Variants in ANKRD11 observed in about 807,000 individuals in gnomAD.
ANKRD11 encodes ankyrin repeat domain 11.
In ANKRD11, 17 loss-of-function variants were observed where a neutral mutation model predicts 195.7. The observed-to-expected ratio is 0.09, with a 90% CI of 0.06 to 0.13. ANKRD11 has a LOEUF of 0.13. Ranked by LOEUF, ANKRD11 falls within the 10% of genes least tolerant of loss-of-function variation. The probability of loss-of-function intolerance (pLI) is 1.00; values close to 1 mark genes in which losing one functional copy is unlikely to be tolerated. For missense variants in ANKRD11, 3,735 were observed against 3,566.1 expected (o/e 1.05, Z -1.21); for synonymous variants, 1,953 against 1,528.1 (o/e 1.28, Z -6.49).
chr16:89,318,285 T>A (rs1272424406), intron 2 of ANKRD11, among the ~76,000 whole-genome samples: 2 of 152,170 alleles, frequency 1.3e-5, no homozygotes, highest in African/African-American at 4.8e-5. Context: ...TTGTTCACCA[T>A]CACAGCCAGG....
At chr16:89,303,306 C>T (rs2035964493) in intron 4 of ANKRD11, among the ~76,000 whole-genome samples, 2 of 152,230 alleles carry the variant, frequency 1.3e-5, no homozygotes, top group South Asian at 4.1e-4. Context: ...CCAAAACCAG[C>T]ATGGGGACCA....
chr16:89,290,189 C>G (rs34591297), intron 6 of ANKRD11, among the ~76,000 whole-genome samples: 85 of 152,298 alleles, frequency 5.6e-4, no homozygotes, highest in Non-Finnish European at 1.0e-3. Flanking sequence ...GAGGCCACAG[C>G]CCATCCAACC....
rs762590968 is a variant in ANKRD11 at position 89,279,998 on chromosome 16, C to A, written c.6544G>T (p.Val2182Leu). The A allele has an allele frequency of 1.2e-6, 2 of 1,612,118 alleles. No individual in the cohort carries two copies. Among genetic ancestry groups the A allele is most frequent in the South Asian group, 2.2e-5 (2 of 91,074 alleles). Residue 2182 changes from valine to leucine, a missense_variant, in exon 9 of 13, where the codon GTA becomes TTA. Physicochemically the swap from Val to Leu is conservative, Grantham distance 32. Transcript: ENST00000301030. This position sits in a 1 kb window ranked among gnomAD's most constrained non-coding sequence, Gnocchi z 5.6. ...AGTGCCGGCGGCTCCTCAGCCACTA[C>A]GGTGGAAACATCCCCACCGTTTATG... ...GVINGGDVST[V>L]VAEEPPALPP...
chr16:89,324,627 A>G (rs754297909), intron 2 of ANKRD11: 24 of 412,010 alleles, frequency 5.8e-5, no homozygotes, highest in South Asian at 4.0e-4. Flanking sequence ...GAAGCACTGG[A>G]CTGGCTGAGT....
In ANKRD11 at chr16:89,285,897, G is replaced by T. The variant is rs1597467665; in HGVS notation, c.892+142C>A. On this transcript the variant is annotated intron_variant, in intron 8 of 12. Coordinates refer to ENST00000301030, the MANE Select transcript of ANKRD11 (RefSeq NM_013275.6). The surrounding 1 kb of genome is among the most constrained non-coding windows in gnomAD (Gnocchi z 5.6). ...CTCGGCAGTGACACACCTGGGCGGG[G>T]TCTCCCGCAGTCCAGAAGCTCCTGT... 3.8e-6 allele frequency: 5 copies of T among 1,330,540 alleles called. No individual in the cohort carries two copies. The highest frequency in any genetic ancestry group is 4.8e-5 in the East Asian group (2 of 41,696). 82.4% of individuals were successfully genotyped at this position (1,330,540 alleles called of 1,614,324 possible).
chr16:89,293,921 G>A (rs1025946213), intron 4 of ANKRD11, among the ~76,000 whole-genome samples: 1 of 152,156 alleles, frequency 6.6e-6, no homozygotes, highest in African/African-American at 2.4e-5. Flanking sequence ...GGCAGGCCAG[G>A]AGCCCACGCT....
In ANKRD11 at chr16:89,281,317, G is replaced by C; in HGVS notation, c.5225C>G (p.Ser1742Trp). ...YADLVFDCAD[S>W]QHSTPVPTAP... ...GGTGGGCACGGGCGTGGAGTGCTGC[G>C]AGTCGGCGCAGTCGAACACGAGGTC... Residue 1742 changes from serine to tryptophan, a missense_variant, in exon 9 of 13, where the codon TCG becomes TGG. Ser to Trp is a radical substitution (Grantham distance 177). Transcript: ENST00000301030. The surrounding 1 kb of genome is among the most constrained non-coding windows in gnomAD (Gnocchi z 5.5). The C allele has an allele frequency of 6.2e-7, 1 of 1,613,960 alleles. No individual in the cohort carries two copies. The highest frequency in any genetic ancestry group is 8.5e-7 in the Non-Finnish European group (1 of 1,179,892).
chr16:89,287,153 G>C (rs2034704660), intron 7 of ANKRD11: 1 of 1,270,126 alleles, frequency 7.9e-7, no homozygotes, highest in South Asian at 1.2e-5. Flanking sequence ...CTGGGACGGA[G>C]GTCCCCAGTC....
chr16:89,324,226 TG>T (rs2037550929), intron 2 of ANKRD11: 31 of 1,197,092 alleles, frequency 2.6e-5, no homozygotes, highest in Middle Eastern at 2.4e-4. Flanking sequence ...GCCTCTGCTT[TG>T]CCCCTCAGAC....
chr16:89,403,461 G>A (rs1234439908), intron 2 of ANKRD11, among the ~76,000 whole-genome samples: 5 of 152,036 alleles, frequency 3.3e-5, no homozygotes, highest in Admixed American at 2.6e-4. Context: ...AGTAAGCGAG[G>A]CCCCGCGCTC....
chr16:89,353,711 C>G (rs1475014130), intron 2 of ANKRD11, among the ~76,000 whole-genome samples: 1 of 152,184 alleles, frequency 6.6e-6, no homozygotes, highest in African/African-American at 2.4e-5. Flanking sequence ...AACTCCTGAC[C>G]TCAGCTGATC....
At chr16:89,389,472 G>A (rs1257797077) in intron 2 of ANKRD11, among the ~76,000 whole-genome samples, 1 of 152,174 alleles carries the variant, frequency 6.6e-6, no homozygotes, top group Non-Finnish European at 1.5e-5. Flanking sequence ...GGCAAAATTA[G>A]TAGATGGAGA....
chr16:89,272,718 T>G (rs1308534893), intron 11 of ANKRD11: 2 of 152,072 alleles, frequency 1.3e-5, no homozygotes, highest in Non-Finnish European at 2.9e-5. Flanking sequence ...CACACTCCCA[T>G]ATTTAACGCA....
chr16:89,489,846 G>A (rs564281678), intron 1 of ANKRD11, among the ~76,000 whole-genome samples: 4 of 47,562 alleles, frequency 8.4e-5, no homozygotes, highest in Admixed American at 2.6e-4. Flanking sequence ...CCCCAGGCCC[G>A]CCCCGGAGCC....
In ANKRD11 at chr16:89,284,064, A is replaced by T. The variant is rs918732832; in HGVS notation, c.2478T>A (p.Asn826Lys). The T allele has an allele frequency of 6.2e-7, 1 of 1,614,152 alleles. No individual in the cohort carries two copies. Among genetic ancestry groups the T allele is most frequent in the Non-Finnish European group, 8.5e-7 (1 of 1,180,020 alleles). ...CAGAAAGGCTAAATTTGGTGTCTTC[A>T]TTCTCCAGAAACTGATTTTTGTTAC... ...EYCNKNQFLENEDTKFSLSDD... is the reference protein window; with the variant it reads ...EYCNKNQFLEKEDTKFSLSDD... The change falls in exon 9 of 13, where the codon AAT becomes AAA. Residue 826 changes from asparagine to lysine, a missense_variant. Asn to Lys is a moderately conservative substitution (Grantham distance 94). Coordinates refer to ENST00000301030, the MANE Select transcript of ANKRD11 (RefSeq NM_013275.6).
intron 1 of ANKRD11, among the ~76,000 whole-genome samples, chr16:89,471,778 G>C (rs1393926641): frequency 1.3e-5 from 1 of 74,628 alleles, no homozygotes; most frequent in East Asian, 4.4e-4. Context: ...GTGAGACTCT[G>C]TCTCAAAAAA....
At chr16:89,479,423 G>A (rs557161206) in intron 1 of ANKRD11, among the ~76,000 whole-genome samples, 48 of 149,496 alleles carry the variant, frequency 3.2e-4, no homozygotes, top group South Asian at 8.5e-4. Context: ...ATCTGAGGTC[G>A]GGAGTTTGAG....
Position 89,354,243 on chromosome 16 carries a change from C to CAAA in ANKRD11, c.-59-37168_-59-37166dup, listed in dbSNP as rs5818711. On this transcript the variant is annotated intron_variant, in intron 2 of 12. Transcript: ENST00000301030. Reference sequence around the variant, plus strand: ...TATATAACTAAATTTTGCATTCAGCCAAAAAAAAAAAAAAAAAGAAAACTT... The same window carrying CAAA: ...TATATAACTAAATTTTGCATTCAGCCAAAAAAAAAAAAAAAAAAAAGAAAACTT... 1.5e-3 allele frequency among the ~76,000 whole-genome samples: 187 copies of CAAA among 126,226 alleles called. 1 individual carries two copies. Among genetic ancestry groups the CAAA allele is most frequent in the Middle Eastern group, 0.012 (3 of 256 alleles). The allele number at this position is 126,226 out of a possible 152,430, so 82.8% of individuals were successfully genotyped here.
Position 89,272,230 on chromosome 16 carries a change from A to AAGAC in ANKRD11, c.7714-1325_7714-1322dup, listed in dbSNP as rs1192536553. 2.0e-5 allele frequency: 3 copies of AAGAC among 152,308 alleles called. No homozygotes were observed. In the East Asian group the frequency reaches 5.8e-4, roughly 29 times the overall value. The allele number at this position is 152,308 out of a possible 1,614,324, so 9.4% of individuals were successfully genotyped here. On this transcript the variant is annotated intron_variant, in intron 11 of 12. Transcript: ENST00000301030. ...CCCGGTTAAAATAGCCTTTATCCAAAAGACAGACAATCACAATTGCTCGCG... is the reference window on the plus strand; with the variant it reads ...CCCGGTTAAAATAGCCTTTATCCAAAAGACAGACAGACAATCACAATTGCTCGCG...
Sources: allele counts gnomAD v4.1 joint callset (sites outside exome capture counted in the v4.1 genomes callset), GRCh38; gene constraint gnomAD v4.1.1; non-coding constraint Gnocchi (gnomAD v3.1); transcripts MANE v1.5; gene names NCBI Gene and HGNC (gene_info 2026-07-23, HGNC 2026-07-21).